The following COL10A1 variants were observed in gnomAD, a reference collection of about 807,000 sequenced individuals.
The protein encoded by COL10A1 is collagen type X alpha 1 chain.
In COL10A1, 10 loss-of-function variants were observed where a neutral mutation model predicts 18.2. That is an observed-to-expected ratio of 0.55 (90% CI 0.34 to 0.93). COL10A1 has a LOEUF of 0.93. Ranked by LOEUF, COL10A1 falls within the 40% of genes least tolerant of loss-of-function variation. COL10A1 has a pLI of 0.02. For synonymous variants in COL10A1, 330 were observed against 316.6 expected (o/e 1.04, Z -0.45); for missense variants, 897 against 853.5 (o/e 1.05, Z -0.64).
chr6:116,185,343 T>G, the COL10A1 span, among the ~76,000 whole-genome samples: 1 of 152,114 alleles, frequency 6.6e-6, no homozygotes, highest in Non-Finnish European at 1.5e-5. Context: ...TCTGCAGTTG[T>G]TGGGTAGAAA....
chr6:116,173,935 G>A, the COL10A1 span, among the ~76,000 whole-genome samples: 1 of 152,222 alleles, frequency 6.6e-6, no homozygotes. Context: ...ATACCACATT[G>A]CATTTAATCA....
At chr6:116,205,699 G>A in the COL10A1 span, among the ~76,000 whole-genome samples, 4 of 151,846 alleles carry the variant, frequency 2.6e-5, no homozygotes, top group African/African-American at 9.7e-5. Context: ...GTATTAAAAG[G>A]GTACATTTTA....
intron 1 of COL10A1, among the ~76,000 whole-genome samples, chr6:116,133,057 C>A (rs1198282358): frequency 6.6e-6 from 1 of 152,172 alleles, no homozygotes; most frequent in Non-Finnish European, 1.5e-5. Context: ...AACTGAGAGT[C>A]ATTTACAAAG....
At chr6:116,213,071 T>C in the COL10A1 span, among the ~76,000 whole-genome samples, 1 of 152,234 alleles carries the variant, frequency 6.6e-6, no homozygotes, top group Admixed American at 6.5e-5. Flanking sequence ...AATTGGGACT[T>C]TATTCCAAAG....
At chr6:116,160,134 G>T (rs1341796845), upstream of COL10A1, among the ~76,000 whole-genome samples, 1 of 152,000 alleles carries the variant, frequency 6.6e-6, no homozygotes, top group Non-Finnish European at 1.5e-5. Flanking sequence ...TATACATAGT[G>T]GTGGGGTTGC....
intron 1 of COL10A1, among the ~76,000 whole-genome samples, chr6:116,139,705 C>T (rs988560970): frequency 1.3e-5 from 2 of 151,918 alleles, no homozygotes; most frequent in Non-Finnish European, 2.9e-5. Flanking sequence ...AGCTATGGTT[C>T]TTTAGATCTT....
At chr6:116,170,552 G>C in the COL10A1 span, among the ~76,000 whole-genome samples, 1 of 152,116 alleles carries the variant, frequency 6.6e-6, no homozygotes, top group Non-Finnish European at 1.5e-5. Context: ...CTCATAATAA[G>C]TAATCAGTGC....
At chr6:116,163,437 T>C (rs80337473), upstream of COL10A1, among the ~76,000 whole-genome samples, 22 of 152,158 alleles carry the variant, frequency 1.4e-4, no homozygotes, top group East Asian at 4.2e-3. Flanking sequence ...TTTCTGATGA[T>C]GTTTCGTATT....
At chr6:116,137,500 G>A (rs1246672375) in intron 1 of COL10A1, 1 of 200,920 alleles carries the variant, frequency 5.0e-6, no homozygotes, top group Non-Finnish European at 1.1e-5. Flanking sequence ...TCAGCTGGCA[G>A]CTAGAGATTC....
the COL10A1 span, among the ~76,000 whole-genome samples, chr6:116,176,042 A>G: frequency 6.6e-6 from 1 of 152,206 alleles, no homozygotes; most frequent in Non-Finnish European, 1.5e-5. Flanking sequence ...TGAGGCAAAC[A>G]GTATTTACAC....
the COL10A1 span, among the ~76,000 whole-genome samples, chr6:116,189,910 C>A: frequency 6.6e-6 from 1 of 151,956 alleles, no homozygotes; most frequent in East Asian, 1.9e-4. Flanking sequence ...ATGTTTTTGC[C>A]TTTTAAGATT....
the COL10A1 span, among the ~76,000 whole-genome samples, chr6:116,192,194 TTAAC>T: frequency 6.6e-6 from 1 of 152,002 alleles, no homozygotes; most frequent in African/African-American, 2.4e-5. Flanking sequence ...TGCCAGTTAA[TTAAC>T]CTCTGTAAGT....
chr6:116,191,717 GT>G, the COL10A1 span, among the ~76,000 whole-genome samples: 10 of 151,970 alleles, frequency 6.6e-5, no homozygotes, highest in African/African-American at 2.4e-4. Flanking sequence ...TAATAATGTA[GT>G]TTATATAAGT....
chr6:116,192,251 AG>A, the COL10A1 span, among the ~76,000 whole-genome samples: 1 of 151,982 alleles, frequency 6.6e-6, no homozygotes, highest in Non-Finnish European at 1.5e-5. Context: ...ATTATGAGTG[AG>A]ATAATATATG....
chr6:116,217,030 A>T, the COL10A1 span, among the ~76,000 whole-genome samples: 1 of 152,206 alleles, frequency 6.6e-6, no homozygotes. Context: ...CCCCTCGGAC[A>T]GCAGCTTTGA....
At chr6:116,205,700 G>T in the COL10A1 span, among the ~76,000 whole-genome samples, 2 of 151,880 alleles carry the variant, frequency 1.3e-5, no homozygotes, top group Non-Finnish European at 2.9e-5. Flanking sequence ...TATTAAAAGG[G>T]TACATTTTAA....
At chr6:116,142,764 T>A (rs1182798227) in intron 1 of COL10A1, among the ~76,000 whole-genome samples, 1 of 152,196 alleles carries the variant, frequency 6.6e-6, no homozygotes, top group African/African-American at 2.4e-5. Flanking sequence ...TGTTTCTTTT[T>A]GTTTCTTGTG....
chr6:116,120,410 A>G lies in COL10A1; in HGVS notation c.1706T>C (p.Ile569Thr), dbSNP rs766632988. The G allele has an allele frequency of 4.8e-5, 78 of 1,614,114 alleles. No individual in the cohort carries two copies. The highest frequency in any genetic ancestry group is 6.2e-5 in the Non-Finnish European group (73 of 1,180,040). ...GTTATACAAAATTTTATCAAATGGT[A>G]TGGGAGTTCCTATTGCTGGGTAAGC... is the stretch of plus-strand genomic sequence containing the variant. ...SKAYPAIGTP[I>T]PFDKILYNRQ... Residue 569 changes from isoleucine (I) to threonine (T), a missense_variant, in exon 3 of 3, where the codon ATA becomes ACA. By Grantham distance (89) the Ile-to-Thr change is moderately conservative. Coordinates refer to ENST00000651968, the MANE Select transcript of COL10A1 (RefSeq NM_000493.4).
At chr6:116,146,173 G>A (rs1262190991) in intron 1 of COL10A1, among the ~76,000 whole-genome samples, 1 of 152,310 alleles carries the variant, frequency 6.6e-6, no homozygotes, top group East Asian at 1.9e-4. Context: ...GGCAGTTTGA[G>A]GCAGGAAGAG....
Sources: gnomAD v4.1 joint callset for allele counts (sites outside exome capture counted in the v4.1 genomes callset) on GRCh38, gnomAD v4.1.1 for gene constraint, MANE v1.5 for transcripts, NCBI Gene and HGNC (gene_info 2026-07-23, HGNC 2026-07-21) for gene names.